The following AUTS2 variants were observed in gnomAD, a reference collection of about 807,000 sequenced individuals.
AUTS2 encodes activator of transcription and developmental regulator AUTS2.
Under a neutral mutation model 112.4 loss-of-function variants are expected in AUTS2, and 17 were observed. That is an observed-to-expected ratio of 0.15 (90% CI 0.10 to 0.23). The LOEUF (loss-of-function observed/expected upper bound fraction) is 0.23, where lower values mean the gene tolerates loss of function less well. AUTS2 is among the 10% of genes least tolerant of loss of function. The pLI, the probability that AUTS2 is intolerant of heterozygous loss-of-function variation, is 1.00. For missense variants in AUTS2, 1,510 were observed against 1,701.6 expected (o/e 0.89, Z 1.98); for synonymous variants, 751 against 702.7 (o/e 1.07, Z -1.09).
intron 5 of AUTS2, among the ~76,000 whole-genome samples, chr7:70,675,102 C>A (rs1049704350): frequency 1.3e-5 from 2 of 152,140 alleles, no homozygotes; most frequent in South Asian, 2.1e-4. Flanking sequence ...ATCCTCCCCC[C>A]CCTCAACTCC....
chr7:70,766,211 C>G lies in AUTS2; in HGVS notation c.1566C>G (p.Thr522=). The change falls in exon 9 of 19, where the codon ACC becomes ACG. Residue 522 remains threonine (T), a synonymous_variant. Coordinates refer to ENST00000342771, the MANE Select transcript of AUTS2 (RefSeq NM_015570.4). This position sits in a 1 kb window ranked among gnomAD's most constrained non-coding sequence, Gnocchi z 4.8. The stretch of plus-strand genomic sequence containing the variant: ...TGGGCCCTCCGCCCTACCTGCGGAC[C>G]GAGTTCCATCAGCACCAGCACCAGC... ...ASLGPPPYLR[T]EFHQHQHQHQ... The G allele has an allele frequency of 6.2e-7, 1 of 1,614,126 alleles. No individual in the cohort carries two copies.
chr7:70,131,431 G>T (rs1486973105), intron 3 of AUTS2, among the ~76,000 whole-genome samples: 2 of 152,164 alleles, frequency 1.3e-5, no homozygotes, highest in Admixed American at 6.5e-5. Flanking sequence ...TTGTGAAATT[G>T]TTCAATAGTT....
intron 2 of AUTS2, among the ~76,000 whole-genome samples, chr7:70,055,874 A>G (rs10273270): frequency 0.37 from 55,651 of 151,856 alleles, 10,717 homozygotes; most frequent in African/African-American, 0.48. Flanking sequence ...TTTTTTTTGA[A>G]ATGGAGTCTT....
chr7:70,246,468 T>C (rs951840310), intron 4 of AUTS2, among the ~76,000 whole-genome samples: 1 of 152,178 alleles, frequency 6.6e-6, no homozygotes, highest in African/African-American at 2.4e-5. Flanking sequence ...TCTTCATCTC[T>C]CAGTGATCTG....
chr7:70,299,174 G>A (rs1789084200), intron 4 of AUTS2, among the ~76,000 whole-genome samples: 1 of 152,164 alleles, frequency 6.6e-6, no homozygotes, highest in Admixed American at 6.5e-5. Flanking sequence ...TACACAGATG[G>A]AAATGATTTT....
At chr7:69,993,166 A>C (rs1230775232) in intron 2 of AUTS2, among the ~76,000 whole-genome samples, 1 of 152,212 alleles carries the variant, frequency 6.6e-6, no homozygotes, top group East Asian at 1.9e-4. Context: ...CCTGCTCAGC[A>C]GTCCTGGGAG....
At chr7:70,153,102 A>T (rs761014128) in intron 4 of AUTS2, among the ~76,000 whole-genome samples, 3 of 152,216 alleles carry the variant, frequency 2.0e-5, no homozygotes, top group Non-Finnish European at 4.4e-5. Context: ...GCACATGTCC[A>T]TACAAATATT....
chr7:69,939,331 T>C (rs1796535981), intron 2 of AUTS2, among the ~76,000 whole-genome samples: 2 of 152,224 alleles, frequency 1.3e-5, no homozygotes, highest in Admixed American at 6.5e-5. Flanking sequence ...TGTCACACTC[T>C]CTTTAGGCTT....
chr7:69,649,455 C>T (rs1479665910), intron 1 of AUTS2, among the ~76,000 whole-genome samples: 3 of 152,090 alleles, frequency 2.0e-5, no homozygotes, highest in Non-Finnish European at 2.9e-5. Context: ...CAGTTGCCAA[C>T]AACCCGTGGT....
chr7:69,937,268 A>G (rs1355816034), intron 2 of AUTS2, among the ~76,000 whole-genome samples: 1 of 152,190 alleles, frequency 6.6e-6, no homozygotes, highest in Non-Finnish European at 1.5e-5. Context: ...GGCCACAGAT[A>G]AGAGTGTTAA....
chr7:69,677,456 C>T (rs1796611754), intron 1 of AUTS2, among the ~76,000 whole-genome samples: 1 of 152,118 alleles, frequency 6.6e-6, no homozygotes, highest in Non-Finnish European at 1.5e-5. Context: ...CAGCATTAAC[C>T]CAGCCTTTGC....
chr7:69,608,264 G>A (rs1308106798), intron 1 of AUTS2, among the ~76,000 whole-genome samples: 1 of 152,228 alleles, frequency 6.6e-6, no homozygotes, highest in African/African-American at 2.4e-5. Flanking sequence ...CTGTGGCTAA[G>A]TTCTAAACCT....
At chr7:70,484,524 A>C (rs1797910178) in intron 5 of AUTS2, among the ~76,000 whole-genome samples, 1 of 152,192 alleles carries the variant, frequency 6.6e-6, no homozygotes, top group East Asian at 1.9e-4. Flanking sequence ...TCTCATTCTT[A>C]GACAAGCTAG....
At chr7:70,004,314 T>TTA (rs748074709) in intron 2 of AUTS2, among the ~76,000 whole-genome samples, 1 of 134,944 alleles carries the variant, frequency 7.4e-6, no homozygotes, top group Non-Finnish European at 1.5e-5. Context: ...TGACTATATA[T>TTA]TATATATATA....
intron 4 of AUTS2, among the ~76,000 whole-genome samples, chr7:70,346,648 C>G (rs1307018953): frequency 6.6e-6 from 1 of 152,186 alleles, no homozygotes; most frequent in Non-Finnish European, 1.5e-5. Context: ...ACCATAGACA[C>G]AGTCTAGAAA....
At chr7:69,968,079 A>G (rs898508621) in intron 2 of AUTS2, among the ~76,000 whole-genome samples, 5 of 152,238 alleles carry the variant, frequency 3.3e-5, no homozygotes, top group Non-Finnish European at 5.9e-5. Flanking sequence ...CTACAATAAC[A>G]GGAAAGGCAG....
In AUTS2 at chr7:70,766,708, A is replaced by G. The variant is rs1038166103; in HGVS notation, c.1689+374A>G. On this transcript the variant is annotated intron_variant, in intron 9 of 18. Transcript: ENST00000342771. The surrounding 1 kb of genome is among the most constrained non-coding windows in gnomAD (Gnocchi z 4.8). ...TGTGCTTTGCATCAAGTGCTAGCAC[A>G]TACATTCTTGCAGGGTAATGGGGGT... Among the ~76,000 whole-genome samples the G allele has an allele frequency of 3.3e-5, 5 of 152,242 alleles. No individual in the cohort carries two copies. The highest frequency in any genetic ancestry group is 7.3e-5 in the Non-Finnish European group (5 of 68,046).
At chr7:69,612,850 C>T (rs1009871111) in intron 1 of AUTS2, among the ~76,000 whole-genome samples, 1 of 152,190 alleles carries the variant, frequency 6.6e-6, no homozygotes, top group Admixed American at 6.5e-5. Context: ...ATATTTGAGG[C>T]TTTCAGAACT....
At chr7:70,712,547 G>T (rs1249689926) in intron 6 of AUTS2, among the ~76,000 whole-genome samples, 1 of 152,164 alleles carries the variant, frequency 6.6e-6, no homozygotes, top group Non-Finnish European at 1.5e-5. Flanking sequence ...CTGAGTGGTT[G>T]TTAGCCATGC....
Sources: gnomAD v4.1 joint callset for allele counts (sites outside exome capture counted in the v4.1 genomes callset) on GRCh38, gnomAD v4.1.1 for gene constraint, Gnocchi (gnomAD v3.1) non-coding constraint, MANE v1.5 for transcripts, NCBI Gene and HGNC (gene_info 2026-07-23, HGNC 2026-07-21) for gene names.